Variants in B3GALT1 observed in about 807,000 individuals in gnomAD.
B3GALT1 encodes the protein UDP-Gal:betaGlcNAc beta 1,3-galactosyltransferase, polypeptide 1.
In B3GALT1, 10 loss-of-function variants were observed where a neutral mutation model predicts 23.2. The ratio of observed to expected loss-of-function variants is 0.43; its 90% CI spans 0.27 to 0.73. The LOEUF is 0.73. B3GALT1 is among the 30% of genes least tolerant of loss of function. The pLI is 0.21. For synonymous variants in B3GALT1, 156 were observed against 141.5 expected, an observed-to-expected ratio of 1.10 and a Z score of -0.73; for missense variants, 299 against 405.4, an observed-to-expected ratio of 0.74 and a Z score of 2.25.
chr2:167,772,984 C>A (rs150999340), intron 3 of B3GALT1, among the ~76,000 whole-genome samples: 53 of 152,200 alleles, frequency 3.5e-4, no homozygotes, highest in Non-Finnish European at 7.5e-4. Flanking sequence ...TTTCTATGGG[C>A]TTCATAAGGA....
At chr2:167,689,417 G>T in intron 3 of B3GALT1, among the ~76,000 whole-genome samples, 1 of 152,138 alleles carries the variant, frequency 6.6e-6, no homozygotes, top group East Asian at 1.9e-4. Flanking sequence ...ATTACAGGAG[G>T]TTCTCCAAAT....
chr2:167,735,245 C>T (rs537231462), intron 3 of B3GALT1, among the ~76,000 whole-genome samples: 1 of 152,244 alleles, frequency 6.6e-6, no homozygotes, highest in Admixed American at 6.5e-5. Context: ...GTGCAAAGAG[C>T]CCCTGGTTAT....
intron 1 of B3GALT1, among the ~76,000 whole-genome samples, chr2:167,474,160 A>G (rs142744458): frequency 1.3e-5 from 2 of 152,294 alleles, no homozygotes; most frequent in East Asian, 1.9e-4. Context: ...CCATCTTAAT[A>G]TGGATAATTT....
intron 1 of B3GALT1, among the ~76,000 whole-genome samples, chr2:167,478,723 C>T (rs1008411414): frequency 7.2e-5 from 11 of 151,780 alleles, no homozygotes; most frequent in Middle Eastern, 3.4e-3. Flanking sequence ...CTCCTCCCCC[C>T]ACCCCATGAT....
chr2:167,513,314 C>T (rs1205366126), intron 2 of B3GALT1, among the ~76,000 whole-genome samples: 1 of 152,072 alleles, frequency 6.6e-6, no homozygotes, highest in East Asian at 1.9e-4. Context: ...GCTTCGATTT[C>T]CAATTGTACT....
In B3GALT1 at chr2:167,699,380, A is replaced by ATTTT. The variant is rs1169813738; in HGVS notation, c.-352+52436_-352+52439dup. On this transcript the variant is annotated intron_variant, in intron 3 of 4. Transcript: ENST00000392690. ...GGGGGAGTTTTTTGCCATTATTTCTATTTTTTTTTTTTTTTTTTTTTTTTT... is the reference window on the plus strand; with the variant it reads ...GGGGGAGTTTTTTGCCATTATTTCTATTTTTTTTTTTTTTTTTTTTTTTTTTTTT... Among the ~76,000 whole-genome samples, 902 of 100,088 alleles carry ATTTT rather than the reference A, an allele frequency of 9.0e-3. 27 individuals are homozygous for ATTTT. The highest frequency in any genetic ancestry group is 0.012 in the African/African-American group (318 of 26,380). 65.7% of individuals were successfully genotyped at this position (100,088 alleles called of 152,430 possible). A position where few individuals can be genotyped will look rare whatever the true frequency, so the allele number is the denominator to read the frequency against.
At chr2:167,556,007 A>C (rs1281979302) in intron 2 of B3GALT1, among the ~76,000 whole-genome samples, 1 of 152,162 alleles carries the variant, frequency 6.6e-6, no homozygotes, top group Non-Finnish European at 1.5e-5. Flanking sequence ...ATGGGATGGA[A>C]TCTCCAAGGA....
At chr2:167,761,957 C>T (rs1297725793) in intron 3 of B3GALT1, among the ~76,000 whole-genome samples, 1 of 152,130 alleles carries the variant, frequency 6.6e-6, no homozygotes, top group Non-Finnish European at 1.5e-5. Flanking sequence ...TGGCTCATAG[C>T]AGGTATGCAA....
intron 2 of B3GALT1, among the ~76,000 whole-genome samples, chr2:167,491,483 C>CTTTTTTTTTTTTTTTTTTTTTTT (rs35378344): frequency 8.2e-6 from 1 of 122,024 alleles, no homozygotes; most frequent in Non-Finnish European, 1.7e-5. Context: ...TTTACTTTTG[C>CTTTTTTTTTTTTTTTTTTTTTTT]TTTTTTTTTT....
rs534784118 is a variant in B3GALT1 at position 167,692,443 on chromosome 2, A to C, written c.-352+45477A>C. 2.6e-5 allele frequency among the ~76,000 whole-genome samples: 4 copies of C among 152,190 alleles called. No individual in the cohort carries two copies. The South Asian group carries it at 8.3e-4, about 32-fold the overall frequency. Reference sequence around the variant, plus strand: ...CTTGCATCATATCCCATATGGCATAATTTCCATGATATTAGTATATGTGTA... The same window carrying C: ...CTTGCATCATATCCCATATGGCATACTTTCCATGATATTAGTATATGTGTA... On this transcript the variant is annotated intron_variant, in intron 3 of 4. Coordinates refer to ENST00000392690, the MANE Select transcript of B3GALT1 (RefSeq NM_020981.4).
chr2:167,866,639 G>A (rs1279806595), intron 4 of B3GALT1, among the ~76,000 whole-genome samples: 2 of 152,130 alleles, frequency 1.3e-5, no homozygotes, highest in Non-Finnish European at 2.9e-5. Flanking sequence ...ATGTAAAGTG[G>A]AAAAATCCTC....
At chr2:167,352,778 A>C (rs1414874377) in intron 1 of B3GALT1, among the ~76,000 whole-genome samples, 1 of 152,098 alleles carries the variant, frequency 6.6e-6, no homozygotes, top group Non-Finnish European at 1.5e-5. Flanking sequence ...TTACAATAAA[A>C]AACACCAGTA....
intron 3 of B3GALT1, among the ~76,000 whole-genome samples, chr2:167,672,467 A>G (rs59613764): frequency 0.018 from 2,800 of 152,212 alleles, 76 homozygotes; most frequent in African/African-American, 0.063. Context: ...CTTCTTCTAC[A>G]TGACTCAACA....
intron 4 of B3GALT1, among the ~76,000 whole-genome samples, chr2:167,827,874 C>T (rs1038651174): frequency 1.3e-5 from 2 of 152,070 alleles, no homozygotes; most frequent in Admixed American, 1.3e-4. Context: ...TTCACTGAGC[C>T]CTAGAGAGAC....
intron 1 of B3GALT1, among the ~76,000 whole-genome samples, chr2:167,464,853 T>A (rs1699320907): frequency 6.6e-6 from 1 of 152,216 alleles, no homozygotes; most frequent in African/African-American, 2.4e-5. Context: ...GCATGATTGA[T>A]CACAAGAATG....
chr2:167,347,437 A>G (rs1363756390), intron 1 of B3GALT1, among the ~76,000 whole-genome samples: 1 of 152,154 alleles, frequency 6.6e-6, no homozygotes, highest in Admixed American at 6.5e-5. Context: ...TGTCCTTTCC[A>G]AGGGGGCTTG....
chr2:167,547,829 C>G (rs1409632922), intron 2 of B3GALT1, among the ~76,000 whole-genome samples: 1 of 152,096 alleles, frequency 6.6e-6, no homozygotes, highest in African/African-American at 2.4e-5. Flanking sequence ...GCAGACCTTG[C>G]TATATGAAAT....
chr2:167,559,576 A>G (rs1683928659), intron 2 of B3GALT1, among the ~76,000 whole-genome samples: 1 of 152,232 alleles, frequency 6.6e-6, no homozygotes, highest in African/African-American at 2.4e-5. Flanking sequence ...AGACGAATGT[A>G]TAGCTGGAAT....
intron 3 of B3GALT1, among the ~76,000 whole-genome samples, chr2:167,759,772 G>T (rs1396153663): frequency 6.6e-6 from 1 of 152,122 alleles, no homozygotes; most frequent in Non-Finnish European, 1.5e-5. Context: ...ATGCCACTGT[G>T]CTAGGGGGCA....
Sources: gnomAD v4.1 joint callset for allele counts (sites outside exome capture counted in the v4.1 genomes callset) on GRCh38, gnomAD v4.1.1 for gene constraint, MANE v1.5 for transcripts, NCBI Gene and HGNC (gene_info 2026-07-23, HGNC 2026-07-21) for gene names.